The following WSCD1 variants were observed in gnomAD, a reference collection of about 807,000 sequenced individuals.
The protein encoded by WSCD1 is WSC domain sialate O sulfotransferase 1.
In WSCD1, 41 loss-of-function variants were observed where a neutral mutation model predicts 60.4. The ratio of observed to expected loss-of-function variants is 0.68; its 90% CI spans 0.53 to 0.88. The LOEUF (loss-of-function observed/expected upper bound fraction) is 0.88. Among genes scored for constraint, WSCD1 ranks in the 40% least tolerant of loss-of-function variants. WSCD1 has a pLI of 0.00. For synonymous variants in WSCD1, 361 were observed against 332.5 expected, an observed-to-expected ratio of 1.09 and a Z score of -0.93; for missense variants, 784 against 796.2, an observed-to-expected ratio of 0.98 and a Z score of 0.18.
chr17:6,095,606 G>A (rs552554967), intron 5 of WSCD1, among the ~76,000 whole-genome samples: 3 of 152,360 alleles, frequency 2.0e-5, no homozygotes, highest in African/African-American at 7.2e-5. Flanking sequence ...GTGTTGGGCC[G>A]TGAATCTGAT....
chr17:6,113,358 A>G (rs1457462458), intron 7 of WSCD1, among the ~76,000 whole-genome samples: 3 of 152,174 alleles, frequency 2.0e-5, no homozygotes, highest in South Asian at 2.1e-4. Context: ...CAAAATCAAG[A>G]CTTAAATGTA....
At chr17:6,107,100 A>T (rs1911127685) in intron 5 of WSCD1, among the ~76,000 whole-genome samples, 1 of 152,186 alleles carries the variant, frequency 6.6e-6, no homozygotes, top group Non-Finnish European at 1.5e-5. Flanking sequence ...TGGCTTGCAG[A>T]TGGAAGCCTT....
At chr17:6,119,906 C>T (rs1272407149) in intron 8 of WSCD1, among the ~76,000 whole-genome samples, 1 of 152,188 alleles carries the variant, frequency 6.6e-6, no homozygotes, top group Non-Finnish European at 1.5e-5. Context: ...AAAGAAAGCT[C>T]ATAAAGTAGA....
Position 6,080,493 on chromosome 17 carries a change from C to T in WSCD1, c.-166C>T. On this transcript the variant is annotated 5_prime_UTR_variant, in exon 2 of 9. Transcript: ENST00000317744. The surrounding 1 kb of genome is among the most constrained non-coding windows in gnomAD (Gnocchi z 6.6). The stretch of plus-strand genomic sequence containing the variant: ...GAGATAAGTAATGGTGCCATTTGAA[C>T]ACCTACTGGAAACGGGGCAGGAACA... The T allele has an allele frequency of 4.5e-6, 3 of 667,258 alleles. No homozygotes were observed. Among genetic ancestry groups the T allele is most frequent in the Non-Finnish European group, 7.6e-6 (3 of 394,906 alleles). The allele number at this position is 667,258 out of a possible 1,614,324, so 41.3% of individuals were successfully genotyped here.
chr17:6,088,155 G>A (rs751115494), intron 3 of WSCD1, 51 bp downstream of exon 3: 14 of 1,516,918 alleles, frequency 9.2e-6, no homozygotes, highest in African/African-American at 2.7e-5. Flanking sequence ...AAGGTCCAGG[G>A]ACAGTTCCAG....
At chr17:6,089,118 C>T (rs1412649699) in intron 3 of WSCD1, among the ~76,000 whole-genome samples, 1 of 152,228 alleles carries the variant, frequency 6.6e-6, no homozygotes, top group Non-Finnish European at 1.5e-5. Context: ...TTTCCATAGT[C>T]AGCCAGGTAG....
chr17:6,081,262 C>G (rs958571034), intron 2 of WSCD1, among the ~76,000 whole-genome samples, 177 bp downstream of exon 2: 2 of 152,326 alleles, frequency 1.3e-5, no homozygotes, highest in Non-Finnish European at 2.9e-5. Flanking sequence ...GTTTTGCTCA[C>G]TCACCAGCTG....
chr17:6,095,093 T>A lies in WSCD1; in HGVS notation c.728-9T>A. 6.2e-7 allele frequency: 1 copy of A among 1,605,100 alleles called. No homozygotes were observed. The highest frequency in any genetic ancestry group is 8.5e-7 in the Non-Finnish European group (1 of 1,176,366). ...ATCTCTTACCAGAAACCCCTCTCTT[T>A]TCCCCCAGGGCGGACCGCCACCTAC... On this transcript the variant is annotated splice_polypyrimidine_tract_variant and intron_variant, in intron 4 of 8. Transcript: ENST00000317744.
At chr17:6,087,445 TG>T (rs376909925) in intron 2 of WSCD1, among the ~76,000 whole-genome samples, 34 of 152,232 alleles carry the variant, frequency 2.2e-4, no homozygotes, top group African/African-American at 8.0e-4. Context: ...ACTCCAGAGA[TG>T]GGGTCTTACT....
intron 2 of WSCD1, among the ~76,000 whole-genome samples, chr17:6,086,038 G>C (rs1909616003): frequency 6.6e-6 from 1 of 151,980 alleles, no homozygotes; most frequent in African/African-American, 2.4e-5. Flanking sequence ...AGCCTGGCTG[G>C]GAACCAGACC....
chr17:6,099,644 A>T (rs1260888039), intron 5 of WSCD1, among the ~76,000 whole-genome samples: 1 of 152,104 alleles, frequency 6.6e-6, no homozygotes, highest in Non-Finnish European at 1.5e-5. Flanking sequence ...GAACATCATG[A>T]TGACCTGCAT....
intron 3 of WSCD1, among the ~76,000 whole-genome samples, chr17:6,089,053 A>G (rs889388088): frequency 2.0e-5 from 3 of 152,192 alleles, no homozygotes; most frequent in Non-Finnish European, 2.9e-5. Context: ...AAGTACTGGG[A>G]TTACAGGCGT....
rs748471309 is a variant in WSCD1, at chr17:6,088,087, G to C, written c.525G>C (p.Gln175His). 1 of 1,614,184 alleles carries C rather than the reference G, an allele frequency of 6.2e-7. No individual in the cohort carries two copies. Among genetic ancestry groups the C allele is most frequent in the Non-Finnish European group, 8.5e-7 (1 of 1,180,020 alleles). The change falls in exon 3 of 9, where the codon CAG (glutamine) becomes CAC (histidine). Residue 175 changes from glutamine to histidine, a missense_variant. Transcript: ENST00000317744. ...DLRKMTVSHCQDACAERSYVY... is the reference protein window; with the variant it reads ...DLRKMTVSHCHDACAERSYVY... ...GAAAGATGACTGTCTCCCACTGCCA[G>C]GATGCGTGTGCTGAGCGGTGAGTGC...
chr17:6,102,469 A>G (rs1219065140), intron 5 of WSCD1, among the ~76,000 whole-genome samples: 1 of 152,256 alleles, frequency 6.6e-6, no homozygotes, highest in Non-Finnish European at 1.5e-5. Flanking sequence ...TTGCTTATAA[A>G]AAGTCTGTGG....
intron 5 of WSCD1, among the ~76,000 whole-genome samples, chr17:6,104,632 G>C (rs573804616): frequency 2.0e-5 from 3 of 152,292 alleles, no homozygotes; most frequent in East Asian, 3.9e-4. Flanking sequence ...CATCTTTGTG[G>C]GTGTCTTCTT....
chr17:6,106,849 G>A (rs916020535), intron 5 of WSCD1, among the ~76,000 whole-genome samples: 1 of 152,140 alleles, frequency 6.6e-6, no homozygotes, highest in African/African-American at 2.4e-5. Flanking sequence ...AGCTATGAGG[G>A]TATCTGGGTG....
chr17:6,098,505 G>A, intron 5 of WSCD1, among the ~76,000 whole-genome samples: 1 of 152,148 alleles, frequency 6.6e-6, no homozygotes, highest in South Asian at 2.1e-4. Context: ...TCCCTTCTCT[G>A]CTATGGCCGG....
Position 6,073,706 on chromosome 17 carries a change from A to G in WSCD1, c.-289+3054A>G, listed in dbSNP as rs542125519. Among the ~76,000 whole-genome samples the G allele has an allele frequency of 2.2e-4, 34 of 152,358 alleles. No individual in the cohort carries two copies. The South Asian group carries it at 6.8e-3, about 31-fold the overall frequency. On this transcript the variant is annotated intron_variant, in intron 1 of 8. Transcript: ENST00000317744. Reference sequence around the variant, plus strand: ...TGCGACTGGCTGTTTCAAAAGTGAGAAAGGCTCCAAATCAGGCACCAGGAA... The same window carrying G: ...TGCGACTGGCTGTTTCAAAAGTGAGGAAGGCTCCAAATCAGGCACCAGGAA...
rs113723625 is a variant in WSCD1, at chr17:6,089,875, T to G, written c.543-446T>G. Among the ~76,000 whole-genome samples the G allele has an allele frequency of 2.7e-4, 41 of 152,318 alleles. 1 individual carries two copies. Among genetic ancestry groups the G allele is most frequent in the African/African-American group, 9.4e-4 (39 of 41,570 alleles). ...TTATCACAAAGGAAAGACTGTTGCC[T>G]GAACTTAGCCTGGTGGCCCTTGAGT... On this transcript the variant is annotated intron_variant, in intron 3 of 8. Transcript: ENST00000317744.
Sources: allele counts gnomAD v4.1 joint callset (sites outside exome capture counted in the v4.1 genomes callset), GRCh38; gene constraint gnomAD v4.1.1; non-coding constraint Gnocchi (gnomAD v3.1); transcripts MANE v1.5; gene names NCBI Gene and HGNC (gene_info 2026-07-23, HGNC 2026-07-21).